ST3GAL4: variants seen among roughly 807,000 people sequenced by gnomAD.
The protein encoded by ST3GAL4 is ST3 beta-galactoside alpha-2,3-sialyltransferase 4.
Under a neutral mutation model 42.6 loss-of-function variants are expected in ST3GAL4, and 24 were observed. The ratio of observed to expected loss-of-function variants is 0.56; its 90% CI spans 0.41 to 0.79. The LOEUF (loss-of-function observed/expected upper bound fraction) is 0.79, where lower values mean the gene tolerates loss of function less well. Among genes scored for constraint, ST3GAL4 ranks in the 30% least tolerant of loss-of-function variants. The pLI, the probability that ST3GAL4 is intolerant of heterozygous loss-of-function variation, is 0.00. For synonymous variants in ST3GAL4, 135 were observed against 163.2 expected (o/e 0.83, Z 1.32); for missense variants, 311 against 430.8 (o/e 0.72, Z 2.46).
At position 126,373,582 on chromosome 11, in the gene ST3GAL4, G is replaced by C. The variant is rs752737519; in HGVS notation, c.-61+17740G>C. The stretch of plus-strand genomic sequence containing the variant: ...GGTGATACAGTGTTTCTATACAGGA[G>C]TCTGCAGTGCCAGGCTGCAGGGGCG... On this transcript the variant is annotated intron_variant, in intron 1 of 10. Transcript: ENST00000444328. This position sits in a 1 kb window ranked among gnomAD's most constrained non-coding sequence, Gnocchi z 5.5. Among the ~76,000 whole-genome samples, 1 of 152,250 alleles carries C rather than the reference G, an allele frequency of 6.6e-6. No homozygotes were observed. Among genetic ancestry groups the C allele is most frequent in the Non-Finnish European group, 1.5e-5 (1 of 68,012 alleles).
chr11:126,367,176 C>G (rs1952461286), intron 1 of ST3GAL4, among the ~76,000 whole-genome samples: 1 of 152,110 alleles, frequency 6.6e-6, no homozygotes, highest in African/African-American at 2.4e-5. Context: ...TGGTCAGGGC[C>G]TGGCACCAAC....
rs937159889 is a variant in ST3GAL4, at chr11:126,383,503, G to A, written c.-60-22593G>A. Among the ~76,000 whole-genome samples the A allele has an allele frequency of 6.6e-6, 1 of 152,144 alleles. No homozygotes were observed. The highest frequency in any genetic ancestry group is 1.5e-5 in the Non-Finnish European group (1 of 68,010). On this transcript the variant is annotated intron_variant, in intron 1 of 10. Transcript: ENST00000444328. This position sits in a 1 kb window ranked among gnomAD's most constrained non-coding sequence, Gnocchi z 4.5. The stretch of plus-strand genomic sequence containing the variant: ...GGGAAAAGAGTGCCCTGGCTTGGGG[G>A]GGCCCTCAAGCCCCGGAAGCTGTAT...
In ST3GAL4 at chr11:126,377,103, T is replaced by A. The variant is rs548175716; in HGVS notation, c.-61+21261T>A. Among the ~76,000 whole-genome samples, 50 of 152,288 alleles carry A rather than the reference T, an allele frequency of 3.3e-4. 1 individual carries two copies. The highest frequency in any genetic ancestry group is 1.2e-3 in the African/African-American group (48 of 41,562). On this transcript the variant is annotated intron_variant, in intron 1 of 10. Coordinates refer to ENST00000444328, the MANE Select transcript of ST3GAL4 (RefSeq NM_001254757.2). ...AATGGAGAAGGCAGTGCCCATCTAA[T>A]GAAAAACCCATGTGTGTTCTTTAAG...
intron 6 of ST3GAL4, 101 bp downstream of exon 6, chr11:126,407,735 GGACT>G: frequency 8.2e-7 from 1 of 1,214,860 alleles, no homozygotes; most frequent in Non-Finnish European, 1.1e-6. Flanking sequence ...AAACAGTCAT[GGACT>G]GGTACCATCC....
rs1453335373 is a variant in ST3GAL4 at position 126,366,153 on chromosome 11, C to T, written c.-61+10311C>T. 6.6e-6 allele frequency among the ~76,000 whole-genome samples: 1 copy of T among 152,184 alleles called. No homozygotes were observed. Among genetic ancestry groups the T allele is most frequent in the Admixed American group, 6.5e-5 (1 of 15,288 alleles). On this transcript the variant is annotated intron_variant, in intron 1 of 10. Transcript: ENST00000444328. The surrounding 1 kb of genome is among the most constrained non-coding windows in gnomAD (Gnocchi z 4.2). The stretch of plus-strand genomic sequence containing the variant: ...CTCCGGGCTGCCTGGTGATAGCTCC[C>T]AGGGACCTGCAAGCTGACAAACAAA...
rs149564900 is a variant in ST3GAL4, at chr11:126,405,150, A to G, written c.-60-946A>G. ...GGAAGTGGTCCAAAGGACTCTTCTG[A>G]TCCAGATCATCAGGAAGCATGGCGT... On this transcript the variant is annotated intron_variant, in intron 1 of 10. Coordinates refer to ENST00000444328, the MANE Select transcript of ST3GAL4 (RefSeq NM_001254757.2). Among the ~76,000 whole-genome samples, 154 of 152,332 alleles carry G rather than the reference A, an allele frequency of 1.0e-3. 1 individual carries two copies. Among genetic ancestry groups the G allele is most frequent in the Middle Eastern group, 3.4e-3 (1 of 294 alleles).
At chr11:126,388,677 T>C in intron 1 of ST3GAL4, among the ~76,000 whole-genome samples, 1 of 143,400 alleles carries the variant, frequency 7.0e-6, no homozygotes, top group Non-Finnish European at 1.6e-5. Context: ...TTTTTTTTTT[T>C]TTTTCTGATT....
Position 126,359,950 on chromosome 11 carries a change from A to G in ST3GAL4, c.-61+4108A>G, listed in dbSNP as rs572922337. 6.6e-6 allele frequency among the ~76,000 whole-genome samples: 1 copy of G among 152,354 alleles called. No homozygotes were observed. The highest frequency in any genetic ancestry group is 2.1e-4 in the South Asian group (1 of 4,830). ...TATGGGGTCTAAGCACAGGGAACCC[A>G]GCCAAAGTGGCTGCTCCTGGCGTCT... On this transcript the variant is annotated intron_variant, in intron 1 of 10. Coordinates refer to ENST00000444328, the MANE Select transcript of ST3GAL4 (RefSeq NM_001254757.2). The surrounding 1 kb of genome is among the most constrained non-coding windows in gnomAD (Gnocchi z 4.8).
At chr11:126,389,901 C>T (rs145155852) in intron 1 of ST3GAL4, among the ~76,000 whole-genome samples, 4,438 of 151,004 alleles carry the variant, frequency 0.029, 217 homozygotes, top group African/African-American at 0.1. Flanking sequence ...GGGCCAGGCG[C>T]GGTGGCTCAC....
chr11:126,364,925 G>C (rs78689694), intron 1 of ST3GAL4, among the ~76,000 whole-genome samples: 18,571 of 150,760 alleles, frequency 0.12, 1,479 homozygotes, highest in East Asian at 0.31. Context: ...AGAGCAAGAA[G>C]TGAATGTTCT....
At chr11:126,358,573 G>C (rs1952150457) in intron 1 of ST3GAL4, 1 of 402,152 alleles carries the variant, frequency 2.5e-6, no homozygotes, top group Non-Finnish European at 5.2e-6. Context: ...CTTCACGTGA[G>C]AGCAGCAGCG....
In ST3GAL4 at chr11:126,407,317, C is replaced by T. The variant is rs753890207; in HGVS notation, c.248C>T (p.Ala83Val). The stretch of plus-strand genomic sequence containing the variant: ...TATTTCTGGGTCAAGACGCCATCTG[C>T]TTACGAGCTGCCCTATGGGACCAAG... The part of the protein sequence containing the change: ...EDYFWVKTPS[A>V]YELPYGTKGS... The change falls in exon 5 of 11, where the codon GCT becomes GTT. Residue 83 changes from alanine (A) to valine (V), a missense_variant. Coordinates refer to ENST00000444328, the MANE Select transcript of ST3GAL4 (RefSeq NM_001254757.2). 26 of 1,614,078 alleles carry T rather than the reference C, an allele frequency of 1.6e-5. No individual in the cohort carries two copies. The highest frequency in any genetic ancestry group is 2.1e-5 in the Non-Finnish European group (25 of 1,180,032).
chr11:126,368,921 C>A (rs919952760), intron 1 of ST3GAL4, among the ~76,000 whole-genome samples: 2 of 152,136 alleles, frequency 1.3e-5, no homozygotes, highest in African/African-American at 4.8e-5. Flanking sequence ...AACACACACA[C>A]CCCTCCCCCA....
chr11:126,411,210 A>T lies in ST3GAL4; in HGVS notation c.771+1799A>T, dbSNP rs1278412632. Among the ~76,000 whole-genome samples, 11 of 151,284 alleles carry T rather than the reference A, an allele frequency of 7.3e-5. No homozygotes were observed. Among genetic ancestry groups the T allele is most frequent in the Admixed American group, 6.6e-4 (10 of 15,174 alleles). On this transcript the variant is annotated intron_variant, in intron 9 of 10. Transcript: ENST00000444328. This position sits in a 1 kb window ranked among gnomAD's most constrained non-coding sequence, Gnocchi z 6.3. The stretch of plus-strand genomic sequence containing the variant: ...ACCCAGGCTGGAGTGCAGTGGGGTG[A>T]TCTTGGCTCACTGCAACCTCTGCCT...
intron 1 of ST3GAL4, among the ~76,000 whole-genome samples, chr11:126,380,651 C>T (rs551149684): frequency 2.6e-5 from 4 of 152,268 alleles, no homozygotes; most frequent in African/African-American, 7.2e-5. Context: ...ATGATAGTGC[C>T]GTCAGGTCTG....
chr11:126,372,906 G>A (rs1203567592), intron 1 of ST3GAL4, among the ~76,000 whole-genome samples: 3 of 152,224 alleles, frequency 2.0e-5, no homozygotes, highest in Non-Finnish European at 2.9e-5. Flanking sequence ...TACAAATATC[G>A]CTTTGATATT....
chr11:126,374,454 C>CAAA (rs869295718), intron 1 of ST3GAL4, among the ~76,000 whole-genome samples: 6 of 63,154 alleles, frequency 9.5e-5, no homozygotes, highest in Middle Eastern at 9.6e-3. Flanking sequence ...ACTTTGTCTC[C>CAAA]AAAAAAAAAA....
chr11:126,384,677 C>T lies in ST3GAL4; in HGVS notation c.-60-21419C>T, dbSNP rs924295979. 7 of 985,126 alleles carry T rather than the reference C, an allele frequency of 7.1e-6. No homozygotes were observed. The East Asian group carries it at 6.8e-4, about 96-fold the overall frequency. The allele number at this position is 985,126 out of a possible 1,614,324, so 61.0% of individuals were successfully genotyped here. On this transcript the variant is annotated intron_variant, in intron 1 of 10. Coordinates refer to ENST00000444328, the MANE Select transcript of ST3GAL4 (RefSeq NM_001254757.2). The surrounding 1 kb of genome is among the most constrained non-coding windows in gnomAD (Gnocchi z 5.5). ...AGACAGACAGATGGAGAGCCACCTC[C>T]CTAGGGGCCTCCTCCCCCTCCCCTT...
chr11:126,387,560 G>T (rs1033033329), intron 1 of ST3GAL4, among the ~76,000 whole-genome samples: 1 of 151,944 alleles, frequency 6.6e-6, no homozygotes, highest in Admixed American at 6.6e-5. Context: ...GCGTGTGGTC[G>T]CAGCCACTGG....
Sources: allele counts gnomAD v4.1 joint callset (sites outside exome capture counted in the v4.1 genomes callset), GRCh38; gene constraint gnomAD v4.1.1; non-coding constraint Gnocchi (gnomAD v3.1); transcripts MANE v1.5; gene names NCBI Gene and HGNC (gene_info 2026-07-23, HGNC 2026-07-21).